LMF1: variants seen among roughly 807,000 people sequenced by gnomAD.
LMF1 encodes transmembrane protein 112.
LMF1 carries 68 observed loss-of-function variants against 60.6 expected under a neutral mutation model. That is an observed-to-expected ratio of 1.12 (90% confidence interval 0.92 to 1.37). LMF1 has a LOEUF of 1.37. LMF1 is among the 40% of genes most tolerant of loss of function. The pLI, the probability that LMF1 is intolerant of heterozygous loss-of-function variation, is 0.00. For missense variants in LMF1, 948 were observed against 767.2 expected (o/e 1.24, Z -2.78); for synonymous variants, 418 against 324.7 (o/e 1.29, Z -3.09).
chr16:854,358 G>T lies in LMF1; in HGVS notation c.*174C>A, dbSNP rs78699640. 2,126 of 774,922 alleles carry T rather than the reference G, an allele frequency of 2.7e-3. 36 individuals carry two copies. In the African/African-American group the frequency reaches 0.031, roughly 11 times the overall value. The allele number at this position is 774,922 out of a possible 1,614,324, so 48.0% of individuals were successfully genotyped here. A position where few individuals can be genotyped will look rare whatever the true frequency, so the allele number is the denominator to read the frequency against. On this transcript the variant is annotated 3_prime_UTR_variant, in exon 11 of 11. Transcript: ENST00000262301. ...CCCAGGTGGGCAGGGCCTGGGAGCC[G>T]CCACAGTATGTGACAACAGACCCCA...
intron 7 of LMF1, 111 bp downstream of exon 7, chr16:871,050 G>T: frequency 1.4e-6 from 2 of 1,398,332 alleles, no homozygotes; most frequent in Non-Finnish European, 1.9e-6. Context: ...TGCGGACGGC[G>T]CTGACTCTCC....
chr16:934,020 C>T, intron 3 of LMF1: 1 of 1,498,988 alleles, frequency 6.7e-7, no homozygotes, highest in South Asian at 1.2e-5. Flanking sequence ...ATGCGTGCGA[C>T]CATCCGTCTC....
chr16:901,683 GT>G (rs1167104137), intron 4 of LMF1: 1 of 152,182 alleles, frequency 6.6e-6, no homozygotes, highest in Non-Finnish European at 1.5e-5. Flanking sequence ...CCGTCTGTGC[GT>G]GCAGCCCCGG....
chr16:965,062 T>C (rs973253256), intron 1 of LMF1, among the ~76,000 whole-genome samples: 8 of 152,182 alleles, frequency 5.3e-5, no homozygotes, highest in African/African-American at 2.4e-5. Flanking sequence ...AATGTGACAA[T>C]GTGGAACTGG....
At chr16:908,475 C>A (rs114478773) in intron 4 of LMF1, among the ~76,000 whole-genome samples, 2 of 152,202 alleles carry the variant, frequency 1.3e-5, no homozygotes, top group African/African-American at 4.8e-5. Flanking sequence ...GTTTCCCTCC[C>A]GCTGTGCCAT....
chr16:949,421 C>A (rs1284737744), intron 2 of LMF1, among the ~76,000 whole-genome samples: 2 of 147,464 alleles, frequency 1.4e-5, no homozygotes, highest in South Asian at 2.2e-4. Flanking sequence ...CAACAGTCAG[C>A]CAACGACAGA....
rs543026080 is a variant in LMF1, at chr16:876,968, TAAAAG to T, written c.897+2597_897+2601del. ...AGTTGAGATATACGGGCCTGTTACT[TAAAAG>T]AGAAAGACGGCCACGCTGACCCTAA... is the stretch of plus-strand genomic sequence containing the variant. On this transcript the variant is annotated intron_variant, in intron 6 of 10. Coordinates refer to ENST00000262301, the MANE Select transcript of LMF1 (RefSeq NM_022773.4). Among the ~76,000 whole-genome samples the T allele has an allele frequency of 4.6e-5, 7 of 152,314 alleles. No individual in the cohort carries two copies. The South Asian group carries it at 1.0e-3, about 23-fold the overall frequency.
chr16:981,301 TGTGAGAGAGAGAGAGAGAGA>T (rs2073356688), upstream of LMF1: 2 of 329,922 alleles, frequency 6.1e-6, no homozygotes, highest in African/African-American at 3.5e-5. Flanking sequence ...TGTGTGTGTG[TGTGAGAGAGAGAGAGAGAGA>T]GAGAGAGAGA....
Position 853,662 on chromosome 16 carries a change from T to C in LMF1, c.*870A>G, listed in dbSNP as rs1338021020. 1 of 453,400 alleles carries C rather than the reference T, an allele frequency of 2.2e-6. No individual in the cohort carries two copies. The highest frequency in any genetic ancestry group is 1.6e-5 in the South Asian group (1 of 64,466). 28.1% of individuals were successfully genotyped at this position (453,400 alleles called of 1,614,324 possible). On this transcript the variant is annotated 3_prime_UTR_variant, in exon 11 of 11. Coordinates refer to ENST00000262301, the MANE Select transcript of LMF1 (RefSeq NM_022773.4). The stretch of plus-strand genomic sequence containing the variant: ...TCGAGTAAGCTGGTAAGTGGTATAA[T>C]AGGAATAGTAGAAGAATATGCCATA...
At chr16:969,483 C>T (rs927528211) in intron 1 of LMF1, among the ~76,000 whole-genome samples, 1 of 152,196 alleles carries the variant, frequency 6.6e-6, no homozygotes, top group African/African-American at 2.4e-5. Flanking sequence ...TCACACAAAA[C>T]GTCGAACTGA....
At chr16:926,095 G>A (rs1404360271) in intron 3 of LMF1, among the ~76,000 whole-genome samples, 1 of 152,052 alleles carries the variant, frequency 6.6e-6, no homozygotes, top group Non-Finnish European at 1.5e-5. Flanking sequence ...GTATGCCCAT[G>A]TGTGCACGTT....
intron 3 of LMF1, chr16:931,943 A>G (rs1038201071): frequency 4.7e-5 from 30 of 641,364 alleles, no homozygotes; most frequent in Non-Finnish European, 6.0e-5. Context: ...GCTCACCTGA[A>G]AACACCCAGG....
chr16:960,146 C>T (rs953815517), intron 1 of LMF1, among the ~76,000 whole-genome samples: 2 of 152,338 alleles, frequency 1.3e-5, no homozygotes, highest in East Asian at 3.9e-4. Flanking sequence ...TCCTTGGAAA[C>T]AACTCATTCT....
At chr16:948,553 C>G (rs71382299) in intron 2 of LMF1, among the ~76,000 whole-genome samples, 68,921 of 144,314 alleles carry the variant, frequency 0.48, 18,045 homozygotes, top group African/African-American at 0.7. Context: ...CAGAGTCAGA[C>G]ACAGCGACAG....
chr16:887,383 C>A (rs2070340517), intron 5 of LMF1, among the ~76,000 whole-genome samples: 1 of 152,240 alleles, frequency 6.6e-6, no homozygotes, highest in South Asian at 2.1e-4. Flanking sequence ...TGCGTGGAAG[C>A]TGGCCGGGCC....
chr16:888,196 G>A (rs1438821233), intron 5 of LMF1, among the ~76,000 whole-genome samples: 9 of 152,146 alleles, frequency 5.9e-5, no homozygotes, highest in Non-Finnish European at 5.9e-5. Context: ...CCTGCAGGCA[G>A]CAAGGGAAGT....
intron 2 of LMF1, among the ~76,000 whole-genome samples, chr16:952,166 G>A (rs1215694815): frequency 6.6e-6 from 1 of 152,158 alleles, no homozygotes; most frequent in African/African-American, 2.4e-5. Context: ...CCTGCTTGTT[G>A]AATGAGGTGA....
chr16:929,225 T>G (rs996945632), intron 3 of LMF1, among the ~76,000 whole-genome samples: 2 of 152,164 alleles, frequency 1.3e-5, no homozygotes, highest in African/African-American at 4.8e-5. Flanking sequence ...CTGGTCTCAG[T>G]CCCAGAACAA....
At chr16:869,599 C>A (rs1163966683) in intron 9 of LMF1, 1 of 646,820 alleles carries the variant, frequency 1.5e-6, no homozygotes, top group African/African-American at 1.8e-5. Context: ...TTGTATTGTT[C>A]GTAGATACAG....
Sources: allele counts gnomAD v4.1 joint callset (sites outside exome capture counted in the v4.1 genomes callset), GRCh38; gene constraint gnomAD v4.1.1; transcripts MANE v1.5; gene names NCBI Gene and HGNC (gene_info 2026-07-23, HGNC 2026-07-21).